Variants in ANGEL1 observed in about 807,000 individuals in gnomAD.
The protein encoded by ANGEL1 is RNA 2',3'-cyclic phosphatase ANGEL1.
ANGEL1 carries 62 observed loss-of-function variants against 76.4 expected under a neutral mutation model. That is an observed-to-expected ratio of 0.81 (90% CI 0.66 to 1.00). ANGEL1 has a LOEUF of 1.00. Ranked by LOEUF, ANGEL1 falls within the 50% of genes least tolerant of loss-of-function variation. ANGEL1 has a pLI of 0.00. For missense variants in ANGEL1, 737 were observed against 836.7 expected, an observed-to-expected ratio of 0.88 and a Z score of 1.47; for synonymous variants, 340 against 331.7, an observed-to-expected ratio of 1.03 and a Z score of -0.27.
At chr14:76,811,132 T>C (rs1003253637) in intron 1 of ANGEL1, among the ~76,000 whole-genome samples, 1 of 152,258 alleles carries the variant, frequency 6.6e-6, no homozygotes, top group Non-Finnish European at 1.5e-5. Flanking sequence ...GCAGCATTGC[T>C]ACTGGCATCT....
At chr14:76,812,432 G>T in intron 1 of ANGEL1, 1 of 1,147,764 alleles carries the variant, frequency 8.7e-7, no homozygotes, top group Non-Finnish European at 1.1e-6. Context: ...CCGGGGTGCT[G>T]ACTTGGCCGA....
chr14:76,791,589 GCTC>G (rs1894407045), intron 7 of ANGEL1, among the ~76,000 whole-genome samples: 1 of 151,996 alleles, frequency 6.6e-6, no homozygotes, highest in Non-Finnish European at 1.5e-5. Context: ...GTCTTCTGTG[GCTC>G]CTCACCTTTG....
chr14:76,792,870 C>G (rs1239826933), intron 7 of ANGEL1, among the ~76,000 whole-genome samples: 2 of 152,140 alleles, frequency 1.3e-5, no homozygotes, highest in Non-Finnish European at 2.9e-5. Context: ...TTCTATTTGA[C>G]ATTGTACCAA....
In ANGEL1 at chr14:76,808,081, A is replaced by G. The variant is rs777008360; in HGVS notation, c.717T>C (p.Asp239=). ...QPDAQGLKAG[D]GPQFQFTLMS... is the part of the protein sequence containing the mutation. ...TCAGAGTGAACTGGAACTGAGGGCC[A>G]TCTCCTGCCTTCAGGCCCTGAGCAT... Residue 239 remains aspartate (D), a synonymous_variant, in exon 3 of 10, where the codon GAT becomes GAC. Transcript: ENST00000251089. The G allele has an allele frequency of 1.1e-5, 18 of 1,613,916 alleles. No homozygotes were observed. The highest frequency in any genetic ancestry group is 3.4e-4 in the Middle Eastern group (2 of 5,924).
intron 7 of ANGEL1, among the ~76,000 whole-genome samples, chr14:76,797,082 A>C (rs1292072646): frequency 1.3e-5 from 2 of 152,164 alleles, no homozygotes; most frequent in African/African-American, 4.8e-5. Flanking sequence ...CAGGTCACAT[A>C]AGCTGCTACC....
At chr14:76,812,592 G>C (rs12878988) in intron 1 of ANGEL1, 172 bp downstream of exon 1, 97,621 of 1,293,972 alleles carry the variant, frequency 0.075, 4,073 homozygotes, top group Non-Finnish European at 0.082. Context: ...GGCCTCGTGG[G>C]GTCAGGAGGG....
Position 76,806,704 on chromosome 14 carries a change from C to T in ANGEL1, c.1092G>A (p.Val364=). 6.2e-7 allele frequency: 1 copy of T among 1,613,900 alleles called. No individual in the cohort carries two copies. Among genetic ancestry groups the T allele is most frequent in the Non-Finnish European group, 8.5e-7 (1 of 1,180,004 alleles). ...GTGGTTGCAGTAGCAACACTAAGCC[C>T]ACATTATCCCGATTAAGTAGCTCCA... ...PGLELLNRDN[V]GLVLLLQPLV... is the part of the protein sequence containing the mutation. The change falls in exon 5 of 10, where the codon GTG becomes GTA. Residue 364 remains valine (V), a synonymous_variant. Transcript: ENST00000251089.
chr14:76,811,169 G>T (rs1167413644), intron 1 of ANGEL1, among the ~76,000 whole-genome samples: 1 of 152,154 alleles, frequency 6.6e-6, no homozygotes, highest in Non-Finnish European at 1.5e-5. Flanking sequence ...AGACGCTGCT[G>T]AACTTCCAAC....
intron 7 of ANGEL1, among the ~76,000 whole-genome samples, chr14:76,791,893 C>T (rs1365662025): frequency 6.6e-6 from 1 of 151,960 alleles, no homozygotes; most frequent in African/African-American, 2.4e-5. Context: ...ATATCATACA[C>T]ACGAATGTTA....
intron 7 of ANGEL1, among the ~76,000 whole-genome samples, chr14:76,796,562 TTTAAC>T (rs1404060936): frequency 6.6e-6 from 1 of 152,178 alleles, no homozygotes; most frequent in African/African-American, 2.4e-5. Flanking sequence ...GCTTTTCACT[TTTAAC>T]TTATATGTTT....
chr14:76,807,794 C>CA, intron 3 of ANGEL1, 128 bp downstream of exon 3: 2 of 1,055,156 alleles, frequency 1.9e-6, no homozygotes, highest in South Asian at 3.1e-5. Flanking sequence ...ACCAGGCAGG[C>CA]AAGCTCCAGC....
At chr14:76,801,600 T>G (rs1894765558) in intron 7 of ANGEL1, among the ~76,000 whole-genome samples, 1 of 152,196 alleles carries the variant, frequency 6.6e-6, no homozygotes, top group Non-Finnish European at 1.5e-5. Flanking sequence ...TACTGTCATT[T>G]TCTCTCTAAT....
At chr14:76,804,745 C>A (rs887730773) in intron 5 of ANGEL1, among the ~76,000 whole-genome samples, 3 of 152,238 alleles carry the variant, frequency 2.0e-5, no homozygotes, top group Admixed American at 1.3e-4. Context: ...CGCAGTGGCT[C>A]ACGCCTGTAA....
At chr14:76,802,256 T>C (rs1595302988) in intron 7 of ANGEL1, among the ~76,000 whole-genome samples, 1 of 152,234 alleles carries the variant, frequency 6.6e-6, no homozygotes, top group African/African-American at 2.4e-5. Flanking sequence ...TCCATGGCAA[T>C]TATTTTTATC....
intron 7 of ANGEL1, among the ~76,000 whole-genome samples, chr14:76,793,973 C>A (rs968100989): frequency 3.3e-5 from 5 of 151,980 alleles, no homozygotes; most frequent in African/African-American, 9.7e-5. Flanking sequence ...TAACTGAAAC[C>A]AAAGAAGGCA....
intron 7 of ANGEL1, among the ~76,000 whole-genome samples, chr14:76,802,398 C>T (rs1894792486): frequency 6.6e-6 from 1 of 152,094 alleles, no homozygotes; most frequent in African/African-American, 2.4e-5. Flanking sequence ...TCTGCACCAG[C>T]TATTTGTACA....
At chr14:76,812,211 TA>T (rs1482643202) in intron 1 of ANGEL1, 18 of 982,666 alleles carry the variant, frequency 1.8e-5, no homozygotes, top group Non-Finnish European at 2.2e-5. Flanking sequence ...AGCTGAGATC[TA>T]AATGTGTCTC....
intron 7 of ANGEL1, among the ~76,000 whole-genome samples, chr14:76,801,804 C>T (rs2140222073): frequency 6.6e-6 from 1 of 152,278 alleles, no homozygotes. Context: ...TGTCTTGCCA[C>T]ATGCCTGAAC....
At chr14:76,806,897 T>G (rs757610201) in intron 4 of ANGEL1, 48 bp from the exon 5 acceptor site, 1 of 1,570,796 alleles carries the variant, frequency 6.4e-7, no homozygotes, top group East Asian at 2.2e-5. Flanking sequence ...CCTTAAAGCC[T>G]GAATCCCTTC....
Sources: gnomAD v4.1 joint callset for allele counts (sites outside exome capture counted in the v4.1 genomes callset) on GRCh38, gnomAD v4.1.1 for gene constraint, MANE v1.5 for transcripts, NCBI Gene and HGNC (gene_info 2026-07-23, HGNC 2026-07-21) for gene names.